BRD7: variants seen among roughly 807,000 people sequenced by gnomAD.
The protein encoded by BRD7 is bromodomain containing 7.
In BRD7, 15 loss-of-function variants were observed where a neutral mutation model predicts 82.1. The observed-to-expected ratio is 0.18, with a 90% confidence interval of 0.12 to 0.28. The LOEUF is 0.28. BRD7 is among the 10% of genes least tolerant of loss of function. BRD7 has a pLI of 1.00. For synonymous variants in BRD7, 232 were observed against 266.9 expected (o/e 0.87, Z 1.27); for missense variants, 638 against 779.9 (o/e 0.82, Z 2.17).
chr16:50,363,680 T>TGC (rs1183906745), intron 2 of BRD7, among the ~76,000 whole-genome samples: 2 of 85,950 alleles, frequency 2.3e-5, no homozygotes, highest in East Asian at 5.1e-4. Flanking sequence ...CGCGTGCGCG[T>TGC]GTGCTTCCCC....
In BRD7 at chr16:50,319,889, T is replaced by C. The variant is rs1325789849; in HGVS notation, c.1898A>G (p.Glu633Gly). The C allele has an allele frequency of 1.9e-6, 3 of 1,611,532 alleles. No individual in the cohort carries two copies. Among genetic ancestry groups the C allele is most frequent in the Non-Finnish European group, 2.5e-6 (3 of 1,179,732 alleles). The change falls in exon 16 of 17, where the codon GAA (glutamate) becomes GGA (glycine). Residue 633 changes from glutamate (E) to glycine (G), a missense_variant and splice_region_variant. Physicochemically the swap from Glu to Gly is moderately conservative, Grantham distance 98 (BLOSUM62 -2). This residue lies in a region of BRD7 where 402 missense variants were observed against 500.8 expected (regional missense o/e 0.80). Coordinates refer to ENST00000394688, the MANE Select transcript of BRD7 (RefSeq NM_013263.5). Reference protein sequence around the residue: ...VMENNFVDLTEDTEEPKKTDV... With the variant: ...VMENNFVDLTGDTEEPKKTDV... ...CCCAGAGAAAACAGGGCACGTACCT[T>C]CTGTCAAATCCACAAAGTTGTTTTC...
chr16:50,333,533 A>G, intron 8 of BRD7, 41 bp downstream of exon 8: 8 of 1,597,736 alleles, frequency 5.0e-6, no homozygotes, highest in Non-Finnish European at 6.8e-6. Context: ...CAGATGCCCC[A>G]AATCAGTAGG....
intron 2 of BRD7, among the ~76,000 whole-genome samples, chr16:50,365,367 G>A (rs1472259848): frequency 6.6e-6 from 1 of 152,184 alleles, no homozygotes; most frequent in African/African-American, 2.4e-5. Context: ...CAAAATGACT[G>A]AGTCCCTGTT....
chr16:50,368,778 C>G lies in BRD7; in HGVS notation c.-4G>C. The stretch of plus-strand genomic sequence containing the variant: ...GCTTCTTGTGCTTCTTGCCCATGTC[C>G]GACCGGGCCCCGGTGCCCGCCCCCC... On this transcript the variant is annotated 5_prime_UTR_variant, in exon 1 of 17. Transcript: ENST00000394688. The G allele has an allele frequency of 6.5e-7, 1 of 1,533,330 alleles. No homozygotes were observed. The highest frequency in any genetic ancestry group is 8.8e-7 in the Non-Finnish European group (1 of 1,140,636). 95.0% of individuals were successfully genotyped at this position (1,533,330 alleles called of 1,614,324 possible). A position where few individuals can be genotyped will look rare whatever the true frequency, so the allele number is the denominator to read the frequency against.
intron 2 of BRD7, among the ~76,000 whole-genome samples, chr16:50,363,974 G>A (rs767273677): frequency 2.1e-4 from 32 of 151,650 alleles, no homozygotes; most frequent in Non-Finnish European, 4.3e-4. Flanking sequence ...GAGGTGAGAG[G>A]ATCACTTAAG....
Position 50,320,657 on chromosome 16 carries a change from A to G in BRD7, c.1612+6T>C. 6.2e-7 allele frequency: 1 copy of G among 1,607,032 alleles called. No homozygotes were observed. Among genetic ancestry groups the G allele is most frequent in the Non-Finnish European group, 8.5e-7 (1 of 1,173,826 alleles). ...TGTTTCAATCAAACCCTCTGGAGAC[A>G]CTTACCTTCAGAGTCAAAAACTTCA... On this transcript the variant is annotated splice_donor_region_variant and intron_variant, in intron 14 of 16. Coordinates refer to ENST00000394688, the MANE Select transcript of BRD7 (RefSeq NM_013263.5).
chr16:50,333,859 T>TTTA (rs1437285509), intron 7 of BRD7, among the ~76,000 whole-genome samples, 162 bp from the exon 8 acceptor site: 1 of 152,208 alleles, frequency 6.6e-6, no homozygotes, highest in East Asian at 1.9e-4. Flanking sequence ...GTCTCTAATT[T>TTTA]AAGAACAGAA....
chr16:50,323,735 C>T lies in BRD7; in HGVS notation c.1332-37G>A, dbSNP rs750524460. ...AGTTAGGAAAGTCTCACATAAATCA[C>T]CTCCACTGGCTTTATCCTCCCATCA... is the stretch of plus-strand genomic sequence containing the variant. On this transcript the variant is annotated intron_variant, in intron 11 of 16. Coordinates refer to ENST00000394688, the MANE Select transcript of BRD7 (RefSeq NM_013263.5). The T allele has an allele frequency of 5.0e-5, 74 of 1,486,206 alleles. No homozygotes were observed. In the Middle Eastern group the frequency reaches 8.6e-4, roughly 17 times the overall value. 92.1% of individuals were successfully genotyped at this position (1,486,206 alleles called of 1,614,324 possible).
chr16:50,349,887 A>G, intron 5 of BRD7, 136 bp downstream of exon 5: 1 of 810,236 alleles, frequency 1.2e-6, no homozygotes, highest in Non-Finnish European at 1.8e-6. Context: ...AGTTTTCTGA[A>G]GCAGAAATAA....
intron 2 of BRD7, 121 bp from the exon 3 acceptor site, chr16:50,355,043 A>C: frequency 8.1e-7 from 1 of 1,227,826 alleles, no homozygotes; most frequent in Non-Finnish European, 1.1e-6. Flanking sequence ...TAACAAGCTC[A>C]ATGTACTTTA....
rs1306569677 is a variant in BRD7, at chr16:50,318,703, A to G, written c.*508T>C. 1 of 152,814 alleles carries G rather than the reference A, an allele frequency of 6.5e-6. No homozygotes were observed. Among genetic ancestry groups the G allele is most frequent in the African/African-American group, 2.4e-5 (1 of 41,442 alleles). The allele number at this position is 152,814 out of a possible 1,614,324, so 9.5% of individuals were successfully genotyped here. ...TACTAAGTAACTCCTCTTTCTTTAA[A>G]AAACGGAAAAAACCAAAAAAGAACA... On this transcript the variant is annotated 3_prime_UTR_variant, in exon 17 of 17. Transcript: ENST00000394688.
intron 8 of BRD7, among the ~76,000 whole-genome samples, chr16:50,332,078 G>A (rs911066209): frequency 6.6e-6 from 1 of 152,036 alleles, no homozygotes; most frequent in Non-Finnish European, 1.5e-5. Context: ...CATGGGCCTC[G>A]GCAAAGAATT....
chr16:50,337,594 A>G (rs1161727077), intron 6 of BRD7, among the ~76,000 whole-genome samples: 1 of 152,110 alleles, frequency 6.6e-6, no homozygotes, highest in East Asian at 1.9e-4. Context: ...TAACACGTCT[A>G]CTAATAGTTG....
intron 5 of BRD7, among the ~76,000 whole-genome samples, chr16:50,344,092 T>G (rs2038184359): frequency 6.6e-6 from 1 of 152,066 alleles, no homozygotes; most frequent in Admixed American, 6.6e-5. Context: ...GGCAGCAACA[T>G]GTACCATTCT....
rs2036941043 is a variant in BRD7, at chr16:50,318,826, G to GT, written c.*384dup. On this transcript the variant is annotated 3_prime_UTR_variant, in exon 17 of 17. Coordinates refer to ENST00000394688, the MANE Select transcript of BRD7 (RefSeq NM_013263.5). Reference sequence around the variant, plus strand: ...CATACAAGGGCATCATTCCCACTGGGTATGCAGGGGCAGAACCACAGTAGT... The same window carrying GT: ...CATACAAGGGCATCATTCCCACTGGGTTATGCAGGGGCAGAACCACAGTAGT... 1 of 162,324 alleles carries GT rather than the reference G, an allele frequency of 6.2e-6. No individual in the cohort carries two copies. Among genetic ancestry groups the GT allele is most frequent in the Admixed American group, 6.4e-5 (1 of 15,610 alleles). The allele number at this position is 162,324 out of a possible 1,614,324, so 10.1% of individuals were successfully genotyped here. A position where few individuals can be genotyped will look rare whatever the true frequency, so the allele number is the denominator to read the frequency against.
At chr16:50,344,671 T>C (rs9930394) in intron 5 of BRD7, among the ~76,000 whole-genome samples, 34,079 of 152,064 alleles carry the variant, frequency 0.22, 4,255 homozygotes, top group African/African-American at 0.31. Context: ...GTATCAATGA[T>C]TGAAGATCAA....
chr16:50,368,036 C>G, intron 2 of BRD7, 54 bp downstream of exon 2: 1 of 1,562,652 alleles, frequency 6.4e-7, no homozygotes, highest in South Asian at 1.1e-5. Flanking sequence ...ATGAGGTTGG[C>G]ACCTGGAAGA....
intron 2 of BRD7, among the ~76,000 whole-genome samples, chr16:50,367,782 T>C (rs2039203066): frequency 6.6e-6 from 1 of 152,226 alleles, no homozygotes; most frequent in Non-Finnish European, 1.5e-5. Context: ...CCTTGAACAC[T>C]GAGGCTTTCT....
In BRD7 at chr16:50,326,271, G is replaced by A. The variant is rs74789296; in HGVS notation, c.1195+13C>T. Reference sequence around the variant, plus strand: ...AGAGAAGAGAAAAAATGACTCCTATGCAGGAGCCTCACCTGGAGTGACTTT... The same window carrying A: ...AGAGAAGAGAAAAAATGACTCCTATACAGGAGCCTCACCTGGAGTGACTTT... On this transcript the variant is annotated intron_variant, in intron 10 of 16. Coordinates refer to ENST00000394688, the MANE Select transcript of BRD7 (RefSeq NM_013263.5). 3,080 of 1,604,546 alleles carry A rather than the reference G, an allele frequency of 1.9e-3. 6 individuals are homozygous for A. Among genetic ancestry groups the A allele is most frequent in the Non-Finnish European group, 2.5e-3 (2,879 of 1,172,352 alleles).
Sources: allele counts gnomAD v4.1 joint callset (sites outside exome capture counted in the v4.1 genomes callset), GRCh38; gene constraint gnomAD v4.1.1; regional missense constraint gnomAD v4.1.1; transcripts MANE v1.5; gene names NCBI Gene and HGNC (gene_info 2026-07-23, HGNC 2026-07-21).